The following GOLGA5 variants were observed in gnomAD, a reference collection of about 807,000 sequenced individuals.
GOLGA5 encodes golgin subfamily A member 5.
A neutral mutation model predicts 93.5 loss-of-function variants in GOLGA5; 50 were observed. The observed-to-expected ratio is 0.53, with a 90% confidence interval of 0.43 to 0.68. GOLGA5 has a LOEUF of 0.68. Ranked by LOEUF, GOLGA5 falls within the 30% of genes least tolerant of loss-of-function variation. The pLI is 0.00. For missense variants in GOLGA5, 760 were observed against 856.4 expected, an observed-to-expected ratio of 0.89 and a Z score of 1.40; for synonymous variants, 312 against 304.5, an observed-to-expected ratio of 1.02 and a Z score of -0.26.
Position 92,797,407 on chromosome 14 carries a change from G to T in GOLGA5, c.-30-1G>T, listed in dbSNP as rs1223865135. On this transcript the variant is annotated splice_acceptor_variant, in intron 1 of 12. Coordinates refer to ENST00000163416, the MANE Select transcript of GOLGA5 (RefSeq NM_005113.4). LOFTEE classifies it low-confidence loss of function (5UTR_SPLICE). ...CTGATCATTTTATGTCCTTTTTACA[G>T]GTTTGCCAATAGGATTATCCTGCTG... The T allele has an allele frequency of 3.9e-6, 6 of 1,527,370 alleles. No homozygotes were observed. Among genetic ancestry groups the T allele is most frequent in the Non-Finnish European group, 5.3e-6 (6 of 1,124,024 alleles). 94.6% of individuals were successfully genotyped at this position (1,527,370 alleles called of 1,614,324 possible). A position where few individuals can be genotyped will look rare whatever the true frequency, so the allele number is the denominator to read the frequency against.
chr14:92,833,895 TA>T (rs1000222328), intron 10 of GOLGA5, among the ~76,000 whole-genome samples: 1 of 151,840 alleles, frequency 6.6e-6, no homozygotes, highest in African/African-American at 2.4e-5. Context: ...TTTCTTTTAA[TA>T]AAAAAAATTG....
intron 8 of GOLGA5, among the ~76,000 whole-genome samples, chr14:92,822,433 A>T (rs1432099263): frequency 6.6e-6 from 1 of 152,156 alleles, no homozygotes; most frequent in African/African-American, 2.4e-5. Context: ...AGTGATTTGG[A>T]CACATTTTTG....
chr14:92,806,701 G>T, intron 2 of GOLGA5, 35 bp from the exon 3 acceptor site: 1 of 1,407,352 alleles, frequency 7.1e-7, no homozygotes, highest in South Asian at 1.2e-5. Context: ...TGATGAACAC[G>T]CCAATGTAAC....
chr14:92,813,078 T>C (rs1231893938), intron 6 of GOLGA5, among the ~76,000 whole-genome samples: 1 of 152,336 alleles, frequency 6.6e-6, no homozygotes, highest in East Asian at 1.9e-4. Flanking sequence ...AGGGTCATTT[T>C]TGACTTTACC....
intron 11 of GOLGA5, among the ~76,000 whole-genome samples, chr14:92,836,602 CTATT>C (rs199866044): frequency 3.2e-3 from 481 of 152,242 alleles, no homozygotes; most frequent in Middle Eastern, 0.014. Flanking sequence ...TGCTTCCACA[CTATT>C]TATTCAAATG....
intron 10 of GOLGA5, among the ~76,000 whole-genome samples, chr14:92,834,714 T>G (rs72701901): frequency 0.083 from 12,562 of 152,192 alleles, 729 homozygotes; most frequent in South Asian, 0.26. Context: ...CTGAATGAGG[T>G]AGGAAGCCAT....
At chr14:92,833,849 A>C (rs1885580974) in intron 10 of GOLGA5, among the ~76,000 whole-genome samples, 1 of 152,240 alleles carries the variant, frequency 6.6e-6, no homozygotes, top group Non-Finnish European at 1.5e-5. Context: ...ACAAATTGTC[A>C]TTCAGCAAAT....
intron 10 of GOLGA5, among the ~76,000 whole-genome samples, chr14:92,834,196 A>AT (rs1566961755): frequency 8.1e-5 from 8 of 98,712 alleles, no homozygotes; most frequent in Non-Finnish European, 8.6e-5. Context: ...TTTTTTTTTT[A>AT]TTTTATTTTT....
chr14:92,829,045 A>G (rs765448502), intron 9 of GOLGA5, among the ~76,000 whole-genome samples: 2 of 151,996 alleles, frequency 1.3e-5, no homozygotes, highest in Non-Finnish European at 2.9e-5. Context: ...GCTCACTGCA[A>G]CCTCCACCTC....
intron 6 of GOLGA5, 95 bp downstream of exon 6, chr14:92,811,849 C>A: frequency 1.1e-6 from 1 of 877,078 alleles, no homozygotes; most frequent in Non-Finnish European, 1.9e-6. Flanking sequence ...GTGCTTTGTT[C>A]ATGTTCGTCT....
rs533739687 is a variant in GOLGA5 at position 92,839,809 on chromosome 14, TA to T, written c.*368del. The T allele has an allele frequency of 3.4e-5, 5 of 145,512 alleles. No homozygotes were observed. In the East Asian group the frequency reaches 4.2e-4, roughly 12 times the overall value. The allele number at this position is 145,512 out of a possible 1,614,324, so 9.0% of individuals were successfully genotyped here. On this transcript the variant is annotated 3_prime_UTR_variant, in exon 13 of 13. Coordinates refer to ENST00000163416, the MANE Select transcript of GOLGA5 (RefSeq NM_005113.4). ...AACTAATTGTATTTAGTGACAAAAA[TA>T]AAAAGTTTTTTTTTATAATTCAGTC...
chr14:92,834,884 G>A lies in GOLGA5; in HGVS notation c.1946-675G>A, dbSNP rs75279219. ...GGGTAGCCATTGCATTAATCCATGT[G>A]AGAGATGGTAGTCTAGAACTGAGTG... is the stretch of plus-strand genomic sequence containing the variant. On this transcript the variant is annotated intron_variant, in intron 10 of 12. Transcript: ENST00000163416. 6.0e-3 allele frequency among the ~76,000 whole-genome samples: 916 copies of A among 152,340 alleles called. 9 individuals carry two copies. Among genetic ancestry groups the A allele is most frequent in the African/African-American group, 0.021 (885 of 41,576 alleles).
At chr14:92,809,160 G>A in intron 3 of GOLGA5, 140 bp from the exon 4 acceptor site, 2 of 614,464 alleles carry the variant, frequency 3.3e-6, no homozygotes, top group South Asian at 4.1e-5. Context: ...ACCCTTTGGG[G>A]CAAAGAAAAT....
At chr14:92,819,616 TG>T in intron 7 of GOLGA5, 91 bp from the exon 8 acceptor site, 1 of 1,230,008 alleles carries the variant, frequency 8.1e-7, no homozygotes, top group Non-Finnish European at 1.2e-6. Flanking sequence ...CTGGGTGACG[TG>T]AGACTCTGAT....
Position 92,824,584 on chromosome 14 carries a change from G to T in GOLGA5, c.1659G>T (p.Lys553Asn), listed in dbSNP as rs377202944. 2.5e-6 allele frequency: 4 copies of T among 1,605,548 alleles called. No homozygotes were observed. The highest frequency in any genetic ancestry group is 1.3e-5 in the African/African-American group (1 of 74,598). Residue 553 changes from lysine (K) to asparagine (N), a missense_variant, in exon 9 of 13, where the codon AAG becomes AAT. By Grantham distance (94) the Lys-to-Asn change is moderately conservative (BLOSUM62 0). Transcript: ENST00000163416. ...HYIEEDLYRT[K>N]NTLQSRIKDR... ...TAGAAGAAGATCTTTATCGAACAAA[G>T]AACACATTGCAAAGCAGAATTAAAG...
intron 10 of GOLGA5, 83 bp from the exon 11 acceptor site, chr14:92,835,476 C>T: frequency 1.1e-6 from 1 of 897,642 alleles, no homozygotes; most frequent in South Asian, 1.7e-5. Flanking sequence ...ATTCCTTCCA[C>T]ATGTAATACA....
chr14:92,814,684 G>A (rs560912561), intron 6 of GOLGA5, among the ~76,000 whole-genome samples: 1 of 152,112 alleles, frequency 6.6e-6, no homozygotes, highest in East Asian at 1.9e-4. Flanking sequence ...ACCCAGAAAA[G>A]GAAAAATTAT....
intron 2 of GOLGA5, among the ~76,000 whole-genome samples, chr14:92,801,704 T>G (rs1358615924): frequency 6.6e-6 from 1 of 150,532 alleles, no homozygotes; most frequent in Non-Finnish European, 1.5e-5. Context: ...TTGTCTTCTA[T>G]AGTGTGCGAT....
chr14:92,796,310 T>C (rs753853009), intron 1 of GOLGA5, among the ~76,000 whole-genome samples: 2 of 152,254 alleles, frequency 1.3e-5, no homozygotes, highest in South Asian at 2.1e-4. Flanking sequence ...AATTTGCTGC[T>C]GTAGCAAAGT....
Sources: gnomAD v4.1 joint callset for allele counts (sites outside exome capture counted in the v4.1 genomes callset) on GRCh38, gnomAD v4.1.1 for gene constraint, MANE v1.5 for transcripts, NCBI Gene and HGNC (gene_info 2026-07-23, HGNC 2026-07-21) for gene names.